HCN1: variants seen among roughly 807,000 people sequenced by gnomAD.
The protein encoded by HCN1 is potassium/sodium hyperpolarization-activated cyclic nucleotide-gated channel 1.
A neutral mutation model predicts 78.9 loss-of-function variants in HCN1; 13 were observed. The ratio of observed to expected loss-of-function variants is 0.16; its 90% CI spans 0.11 to 0.26. HCN1 has a LOEUF of 0.26. Among genes scored for constraint, HCN1 ranks in the 10% least tolerant of loss-of-function variants. HCN1 has a pLI of 1.00. For synonymous variants in HCN1, 552 were observed against 455.5 expected, an observed-to-expected ratio of 1.21 and a Z score of -2.70; for missense variants, 810 against 1,154.3, an observed-to-expected ratio of 0.70 and a Z score of 4.32.
At chr5:45,643,416 G>C (rs1473861903) in intron 2 of HCN1, 1 of 152,106 alleles carries the variant, frequency 6.6e-6, no homozygotes, top group Non-Finnish European at 1.5e-5. Context: ...CCATGGCCTT[G>C]TTTTAAGAGG....
intron 2 of HCN1, among the ~76,000 whole-genome samples, chr5:45,623,763 AAGAG>A (rs577116549): frequency 5.7e-4 from 87 of 152,190 alleles, no homozygotes; most frequent in African/African-American, 1.9e-3. Flanking sequence ...CTCATTCTGG[AAGAG>A]AGAGAGAGAA....
chr5:45,604,471 G>A (rs2111968983), intron 2 of HCN1, among the ~76,000 whole-genome samples: 1 of 151,932 alleles, frequency 6.6e-6, no homozygotes, highest in Admixed American at 6.6e-5. Context: ...AATAAATAAT[G>A]GTATTGTTAG....
Position 45,666,088 on chromosome 5 carries a change from C to A in HCN1, c.426-20480G>T, listed in dbSNP as rs534268976. Reference sequence around the variant, plus strand: ...CCAGCATAATCCCACGGTCTCTGAGCCACAGTCATTGTACTCTTTCTGCTG... The same window carrying A: ...CCAGCATAATCCCACGGTCTCTGAGACACAGTCATTGTACTCTTTCTGCTG... On this transcript the variant is annotated intron_variant, in intron 1 of 7. Coordinates refer to ENST00000303230, the MANE Select transcript of HCN1 (RefSeq NM_021072.4). 3.3e-5 allele frequency among the ~76,000 whole-genome samples: 5 copies of A among 152,148 alleles called. No individual in the cohort carries two copies. In the South Asian group the frequency reaches 1.0e-3, roughly 32 times the overall value.
At chr5:45,470,819 A>C (rs2111650139) in intron 2 of HCN1, among the ~76,000 whole-genome samples, 1 of 151,972 alleles carries the variant, frequency 6.6e-6, no homozygotes, top group Non-Finnish European at 1.5e-5. Flanking sequence ...ATCCTCACTA[A>C]ATCACATGAA....
intron 1 of HCN1, among the ~76,000 whole-genome samples, chr5:45,651,851 T>A (rs909509924): frequency 2.0e-5 from 3 of 151,956 alleles, no homozygotes; most frequent in Non-Finnish European, 4.4e-5. Context: ...AAATATATTT[T>A]AAAAATCCAG....
At chr5:45,380,742 T>C (rs1298128095) in intron 4 of HCN1, among the ~76,000 whole-genome samples, 2 of 152,074 alleles carry the variant, frequency 1.3e-5, no homozygotes, top group Admixed American at 6.6e-5. Context: ...TTACACACTA[T>C]AGAAAAAGTA....
At chr5:45,586,824 C>T (rs573243080) in intron 2 of HCN1, among the ~76,000 whole-genome samples, 127 of 152,126 alleles carry the variant, frequency 8.3e-4, no homozygotes, top group Non-Finnish European at 1.5e-3. Flanking sequence ...TCGTGATTCC[C>T]CAAGTTTATG....
chr5:45,540,810 G>T (rs1561194237), intron 2 of HCN1, among the ~76,000 whole-genome samples: 1 of 151,900 alleles, frequency 6.6e-6, no homozygotes, highest in Non-Finnish European at 1.5e-5. Flanking sequence ...GATAATAATA[G>T]CCAATGTGTT....
At chr5:45,603,860 A>G (rs2111968041) in intron 2 of HCN1, among the ~76,000 whole-genome samples, 1 of 152,248 alleles carries the variant, frequency 6.6e-6, no homozygotes, top group African/African-American at 2.4e-5. Flanking sequence ...TCTTAGAGAA[A>G]CAGAATGGCT....
At chr5:45,485,623 C>T (rs1741741130) in intron 2 of HCN1, among the ~76,000 whole-genome samples, 1 of 151,352 alleles carries the variant, frequency 6.6e-6, no homozygotes, top group Non-Finnish European at 1.5e-5. Flanking sequence ...TCTTTTTTTC[C>T]AAAGAATCAA....
intron 3 of HCN1, among the ~76,000 whole-genome samples, chr5:45,458,173 CTT>C (rs1741064795): frequency 6.6e-6 from 1 of 151,868 alleles, no homozygotes; most frequent in South Asian, 2.1e-4. Context: ...ATAGCATTGA[CTT>C]TGAGTTTCTC....
Position 45,359,956 on chromosome 5 carries a change from T to C in HCN1, c.1231-6710A>G, listed in dbSNP as rs140383023. 7.0e-3 allele frequency among the ~76,000 whole-genome samples: 1,050 copies of C among 150,836 alleles called. 14 individuals carry two copies. Among genetic ancestry groups the C allele is most frequent in the African/African-American group, 0.024 (998 of 41,320 alleles). On this transcript the variant is annotated intron_variant, in intron 4 of 7. Coordinates refer to ENST00000303230, the MANE Select transcript of HCN1 (RefSeq NM_021072.4). ...TTGACTTTGAGTATATATATATATA[T>C]ATATTTTTTTTACCTTTCAGTTTTT...
chr5:45,305,962 T>C (rs1745726815), intron 5 of HCN1, among the ~76,000 whole-genome samples: 1 of 152,040 alleles, frequency 6.6e-6, no homozygotes, highest in South Asian at 2.1e-4. Flanking sequence ...TTAAAACTCT[T>C]AGCTTTCTCA....
chr5:45,485,482 A>T (rs1449196647), intron 2 of HCN1, among the ~76,000 whole-genome samples: 1 of 152,218 alleles, frequency 6.6e-6, no homozygotes, highest in Non-Finnish European at 1.5e-5. Flanking sequence ...ATGACTAAAC[A>T]ATAAAACAAA....
chr5:45,325,729 A>G (rs2111943462), intron 5 of HCN1, among the ~76,000 whole-genome samples: 1 of 151,792 alleles, frequency 6.6e-6, no homozygotes, highest in African/African-American at 2.4e-5. Context: ...TCTTTTGAAC[A>G]TTCATTCAAG....
At chr5:45,282,538 C>T (rs1745189605) in intron 6 of HCN1, among the ~76,000 whole-genome samples, 1 of 152,140 alleles carries the variant, frequency 6.6e-6, no homozygotes. Context: ...ATCTCATGAC[C>T]ATTCACATTT....
At chr5:45,556,809 C>G (rs1743479667) in intron 2 of HCN1, among the ~76,000 whole-genome samples, 1 of 151,910 alleles carries the variant, frequency 6.6e-6, no homozygotes, top group African/African-American at 2.4e-5. Context: ...CTTATTGTTT[C>G]TCATATAATT....
At chr5:45,276,074 T>A (rs961499901) in intron 6 of HCN1, among the ~76,000 whole-genome samples, 1 of 151,994 alleles carries the variant, frequency 6.6e-6, no homozygotes, top group Non-Finnish European at 1.5e-5. Flanking sequence ...TTAATATGCT[T>A]CTAAAAAATG....
At chr5:45,385,506 G>A (rs1458980360) in intron 4 of HCN1, among the ~76,000 whole-genome samples, 2 of 151,994 alleles carry the variant, frequency 1.3e-5, no homozygotes, top group Admixed American at 6.6e-5. Context: ...GGAAATAAAG[G>A]CAATTAAGGC....
Sources: allele counts gnomAD v4.1 joint callset (sites outside exome capture counted in the v4.1 genomes callset), GRCh38; gene constraint gnomAD v4.1.1; transcripts MANE v1.5; gene names NCBI Gene and HGNC (gene_info 2026-07-23, HGNC 2026-07-21).